Variants in KCTD20 observed in about 807,000 individuals in gnomAD.
The protein encoded by KCTD20 is BTB/POZ domain-containing protein KCTD20.
A neutral mutation model predicts 39.6 loss-of-function variants in KCTD20; 30 were observed. That is an observed-to-expected ratio of 0.76 (90% CI 0.57 to 1.03). KCTD20 has a LOEUF of 1.03. Ranked by LOEUF, KCTD20 falls within the 50% of genes least tolerant of loss-of-function variation. KCTD20 has a pLI of 0.00. For synonymous variants in KCTD20, 162 were observed against 180.6 expected (o/e 0.90, Z 0.83); for missense variants, 422 against 522.0 (o/e 0.81, Z 1.87).
intron 1 of KCTD20, among the ~76,000 whole-genome samples, chr6:36,460,839 G>A (rs1356616051): frequency 2.6e-5 from 4 of 152,028 alleles, no homozygotes; most frequent in Admixed American, 6.6e-5. Context: ...AAGGAGCAGC[G>A]GCACTGCATG....
intron 1 of KCTD20, among the ~76,000 whole-genome samples, chr6:36,447,612 A>G (rs1032133094): frequency 3.9e-5 from 6 of 151,990 alleles, no homozygotes; most frequent in African/African-American, 1.5e-4. Flanking sequence ...TCTAGGCAAC[A>G]GAGCGAGACT....
At chr6:36,468,010 C>A (rs1474821884) in intron 1 of KCTD20, among the ~76,000 whole-genome samples, 3 of 152,006 alleles carry the variant, frequency 2.0e-5, no homozygotes, top group Non-Finnish European at 4.4e-5. Context: ...AGGATTCATC[C>A]AAGCAAGTAA....
At chr6:36,451,133 C>T (rs548750707) in intron 1 of KCTD20, 4 of 152,210 alleles carry the variant, frequency 2.6e-5, no homozygotes, top group African/African-American at 9.7e-5. Context: ...CAGCCCAGAA[C>T]TTCTGGGCTC....
intron 1 of KCTD20, among the ~76,000 whole-genome samples, chr6:36,459,984 C>A (rs1775553125): frequency 1.3e-5 from 2 of 152,130 alleles, no homozygotes; most frequent in African/African-American, 4.8e-5. Flanking sequence ...CCTTGGATTT[C>A]CTAGAAGTTT....
chr6:36,466,689 C>T (rs1197280783), intron 1 of KCTD20, among the ~76,000 whole-genome samples: 1 of 151,662 alleles, frequency 6.6e-6, no homozygotes, highest in Non-Finnish European at 1.5e-5. Context: ...GCCTTTTTTT[C>T]TTTCCTTTTT....
rs910163213 is a variant in KCTD20 at position 36,487,928 on chromosome 6, A to C, written c.*753A>C. 1 of 152,244 alleles carries C rather than the reference A, an allele frequency of 6.6e-6. No individual in the cohort carries two copies. Among genetic ancestry groups the C allele is most frequent in the African/African-American group, 2.4e-5 (1 of 41,456 alleles). The allele number at this position is 152,244 out of a possible 1,614,324, so 9.4% of individuals were successfully genotyped here. ...ACAATGCAAGTAGAAGGACCTCTCC[A>C]AATCAGGCCAGTTGGGTTATCCTGG... On this transcript the variant is annotated 3_prime_UTR_variant, in exon 8 of 8. Coordinates refer to ENST00000373731, the MANE Select transcript of KCTD20 (RefSeq NM_173562.5).
chr6:36,486,888 C>G lies in KCTD20; in HGVS notation c.973C>G (p.Pro325Ala). ...KNIRIGIEGY[P>A]TCKEKIKRRP... is the part of the protein sequence containing the mutation. Reference sequence around the variant, plus strand: ...ATGGCCTTTTTCCATTGCAGGTTACCCTACCTGTAAAGAAAAAATTAAGAG... The same window carrying G: ...ATGGCCTTTTTCCATTGCAGGTTACGCTACCTGTAAAGAAAAAATTAAGAG... Residue 325 changes from proline to alanine, a missense_variant, in exon 8 of 8, where the codon CCT becomes GCT. Physicochemically the swap from Pro to Ala is conservative, Grantham distance 27. Transcript: ENST00000373731. 1.9e-6 allele frequency: 3 copies of G among 1,611,732 alleles called. No individual in the cohort carries two copies. Among genetic ancestry groups the G allele is most frequent in the Non-Finnish European group, 1.7e-6 (2 of 1,179,000 alleles).
intron 5 of KCTD20, among the ~76,000 whole-genome samples, chr6:36,480,187 T>C (rs1776201193): frequency 6.6e-6 from 1 of 152,130 alleles, no homozygotes; most frequent in Non-Finnish European, 1.5e-5. Flanking sequence ...CCTTTTCCTC[T>C]CTTAGTTCAA....
chr6:36,487,989 T>G lies in KCTD20; in HGVS notation c.*814T>G, dbSNP rs1265413457. 2.0e-5 allele frequency: 3 copies of G among 152,236 alleles called. No individual in the cohort carries two copies. The highest frequency in any genetic ancestry group is 4.4e-5 in the Non-Finnish European group (3 of 68,044). The allele number at this position is 152,236 out of a possible 1,614,324, so 9.4% of individuals were successfully genotyped here. ...GGTGTGAAACCATAGGTCTTAACACTCTGGAGCAGCACATTGCTGTGGATA... is the reference window on the plus strand; with the variant it reads ...GGTGTGAAACCATAGGTCTTAACACGCTGGAGCAGCACATTGCTGTGGATA... On this transcript the variant is annotated 3_prime_UTR_variant, in exon 8 of 8. Transcript: ENST00000373731.
Position 36,474,962 on chromosome 6 carries a change from C to T in KCTD20, c.334C>T (p.His112Tyr), listed in dbSNP as rs757748796. The T allele has an allele frequency of 3.7e-6, 6 of 1,614,040 alleles. No individual in the cohort carries two copies. The highest frequency in any genetic ancestry group is 3.3e-5 in the Admixed American group (2 of 59,992). The change falls in exon 3 of 8, where the codon CAT becomes TAT. Residue 112 changes from histidine to tyrosine, a missense_variant. Physicochemically the swap from His to Tyr is moderately conservative, Grantham distance 83. Transcript: ENST00000373731. The stretch of plus-strand genomic sequence containing the variant: ...TAGTGTGGGCTTTGGCAGTAATTCC[C>T]ATTCCCAAGCACCAGAGAAAGTGAC... ...NSSVGFGSNS[H>Y]SQAPEKVTLL... is the part of the protein sequence containing the mutation.
At chr6:36,477,779 C>G (rs375686735) in intron 3 of KCTD20, among the ~76,000 whole-genome samples, 1 of 149,192 alleles carries the variant, frequency 6.7e-6, no homozygotes, top group Non-Finnish European at 1.5e-5. Context: ...CCACCACACC[C>G]GGCCGAAATG....
chr6:36,484,168 T>C (rs996032640), intron 6 of KCTD20, among the ~76,000 whole-genome samples: 2 of 152,106 alleles, frequency 1.3e-5, no homozygotes, highest in South Asian at 2.1e-4. Flanking sequence ...ACTCCCAACC[T>C]CAACTGATCT....
In KCTD20 at chr6:36,487,263, GTAGGAGACATGCTT is replaced by G; in HGVS notation, c.*89_*102del. The G allele has an allele frequency of 7.6e-7, 1 of 1,318,308 alleles. No homozygotes were observed. The highest frequency in any genetic ancestry group is 1.1e-6 in the Non-Finnish European group (1 of 947,302). 81.7% of individuals were successfully genotyped at this position (1,318,308 alleles called of 1,614,324 possible). On this transcript the variant is annotated 3_prime_UTR_variant, in exon 8 of 8. Transcript: ENST00000373731. The stretch of plus-strand genomic sequence containing the variant: ...TCCCTCGTGATTTGTCTCACCTTGA[GTAGGAGACATGCTT>G]CTCCCCTAACCTTTTCCTTTCTGCC...
intron 1 of KCTD20, among the ~76,000 whole-genome samples, chr6:36,460,447 G>A (rs1775569113): frequency 6.6e-6 from 1 of 152,200 alleles, no homozygotes; most frequent in South Asian, 2.1e-4. Flanking sequence ...AGAACTACAG[G>A]TGCCCACCAT....
chr6:36,487,161 G>A lies in KCTD20; in HGVS notation c.1246G>A (p.Asp416Asn), dbSNP rs749984084. ...CCCACTTTCTCAGATGGCTTCTAAC[G>A]ACTTTCAGGATTAGGGCCAGCTGTG... ...NAPLSQMASN[D>N]FQD Residue 416 changes from aspartate (D) to asparagine (N), a missense_variant, in exon 8 of 8, where the codon GAC (aspartate) becomes AAC (asparagine). Transcript: ENST00000373731. The A allele has an allele frequency of 9.9e-6, 16 of 1,612,790 alleles. No homozygotes were observed. The highest frequency in any genetic ancestry group is 4.4e-5 in the South Asian group (4 of 90,990).
At chr6:36,462,446 A>G (rs912365420) in intron 1 of KCTD20, among the ~76,000 whole-genome samples, 2 of 152,246 alleles carry the variant, frequency 1.3e-5, no homozygotes, top group Admixed American at 1.3e-4. Flanking sequence ...CTGAAACAGT[A>G]GTTCCCAAAC....
In KCTD20 at chr6:36,466,095, T is replaced by C. The variant is rs1477295310; in HGVS notation, c.-46-3957T>C. On this transcript the variant is annotated intron_variant, in intron 1 of 7. Coordinates refer to ENST00000373731, the MANE Select transcript of KCTD20 (RefSeq NM_173562.5). The stretch of plus-strand genomic sequence containing the variant: ...TCTTTTCTTTTTTTTTTTTTTGAGA[T>C]GGAGTCTCTCTCTGTCACCCAGGCT... Among the ~76,000 whole-genome samples, 5 of 151,134 alleles carry C rather than the reference T, an allele frequency of 3.3e-5. No homozygotes were observed. In the East Asian group the frequency reaches 7.7e-4, roughly 23 times the overall value.
intron 1 of KCTD20, among the ~76,000 whole-genome samples, chr6:36,467,078 C>T (rs1477961977): frequency 1.3e-5 from 2 of 151,754 alleles, no homozygotes; most frequent in Non-Finnish European, 2.9e-5. Flanking sequence ...GAGGCCGAAG[C>T]GGGTGGATCA....
Position 36,490,587 on chromosome 6 carries a change from C to G in KCTD20, c.*3412C>G, listed in dbSNP as rs1448619138. 6.6e-6 allele frequency: 1 copy of G among 152,170 alleles called. No homozygotes were observed. 9.4% of individuals were successfully genotyped at this position (152,170 alleles called of 1,614,324 possible). A position where few individuals can be genotyped will look rare whatever the true frequency, so the allele number is the denominator to read the frequency against. ...TTTTGGCTGGGTGCAGTGGCTCATG[C>G]CGGTAATCCCAGCACTTTGGGAGGC... On this transcript the variant is annotated 3_prime_UTR_variant, in exon 8 of 8. Transcript: ENST00000373731.
Sources: allele counts gnomAD v4.1 joint callset (sites outside exome capture counted in the v4.1 genomes callset), GRCh38; gene constraint gnomAD v4.1.1; transcripts MANE v1.5; gene names NCBI Gene and HGNC (gene_info 2026-07-23, HGNC 2026-07-21).